CD72: variants seen among roughly 807,000 people sequenced by gnomAD.
CD72 encodes the protein B-cell differentiation antigen CD72.
A neutral mutation model predicts 50.7 loss-of-function variants in CD72; 28 were observed. The observed-to-expected ratio is 0.55, with a 90% CI of 0.41 to 0.76. The LOEUF (loss-of-function observed/expected upper bound fraction) is 0.76. Among genes scored for constraint, CD72 ranks in the 30% least tolerant of loss-of-function variants. The probability of loss-of-function intolerance (pLI) is 0.00; values close to 1 mark genes in which losing one functional copy is unlikely to be tolerated. For missense variants in CD72, 403 were observed against 420.6 expected, an observed-to-expected ratio of 0.96 and a Z score of 0.37; for synonymous variants, 176 against 171.2, an observed-to-expected ratio of 1.03 and a Z score of -0.22.
At position 35,616,160 on chromosome 9, in the gene CD72, C is replaced by G; in HGVS notation, c.471G>C (p.Leu157=). The G allele has an allele frequency of 6.2e-7, 1 of 1,614,198 alleles. No homozygotes were observed. The highest frequency in any genetic ancestry group is 8.5e-7 in the Non-Finnish European group (1 of 1,180,050). ...GCGCCAGCTCTCTCCTGGACCCCTG[C>G]AGATCCTCTGCACTCTGTCCCAGCT... ...ITQLGQSAED[L]QGSRRELAQS... is the part of the protein sequence containing the mutation. The change falls in exon 5 of 9, where the codon CTG becomes CTC. Residue 157 remains leucine, a synonymous_variant. Coordinates refer to ENST00000259633, the MANE Select transcript of CD72 (RefSeq NM_001782.3).
In CD72 at chr9:35,634,820, G is replaced by A. The variant is rs562103814; in HGVS notation, n.408+11583C>T. 1.5e-4 allele frequency among the ~76,000 whole-genome samples: 23 copies of A among 152,072 alleles called. 1 individual carries two copies. Among genetic ancestry groups the A allele is most frequent in the South Asian group, 6.2e-4 (3 of 4,824 alleles). On this transcript the variant is annotated intron_variant and non_coding_transcript_variant, in intron 1 of 3. Coordinates refer to the CD72 transcript ENST00000465754. ...AGTCCTTATTAGAATTTCCCTTATA[G>A]TGTGTTCCATCTGTTTCAAGAGTCC...
intron 1 of CD72, among the ~76,000 whole-genome samples, chr9:35,645,535 T>C (rs1238135785): frequency 6.6e-6 from 1 of 151,646 alleles, no homozygotes; most frequent in Non-Finnish European, 1.5e-5. Context: ...TGAGCCGAGG[T>C]TGCACCACTG....
chr9:35,641,630 TTTC>T (rs1467593095), intron 1 of CD72, among the ~76,000 whole-genome samples: 2 of 152,242 alleles, frequency 1.3e-5, no homozygotes, highest in Admixed American at 1.3e-4. Flanking sequence ...CCTCATTCTA[TTTC>T]TTCTTCTGAG....
Position 35,610,584 on chromosome 9 carries a change from C to T in CD72, c.*22+18G>A, listed in dbSNP as rs759569628. On this transcript the variant is annotated intron_variant, in intron 8 of 8. Transcript: ENST00000259633. ...GCCCCTGGACTCCCCATGCCTCAGC[C>T]CCATCCCTCACTCTTACCAACTCAG... 1.2e-6 allele frequency: 2 copies of T among 1,602,738 alleles called. No individual in the cohort carries two copies. Among genetic ancestry groups the T allele is most frequent in the Non-Finnish European group, 1.7e-6 (2 of 1,172,864 alleles).
Position 35,636,332 on chromosome 9 carries a change from G to A in CD72, n.408+10071C>T, listed in dbSNP as rs531273271. On this transcript the variant is annotated intron_variant and non_coding_transcript_variant, in intron 1 of 3. Transcript: ENST00000465754. ...TCTATTTGACTTTTTTTTTAACCAC[G>A]TGCACATTATTTCTATAATTAAACA... Among the ~76,000 whole-genome samples the A allele has an allele frequency of 4.6e-5, 7 of 152,002 alleles. No individual in the cohort carries two copies. In the East Asian group the frequency reaches 7.7e-4, roughly 17 times the overall value.
At chr9:35,641,225 G>T (rs1471745553) in intron 1 of CD72, among the ~76,000 whole-genome samples, 1 of 152,212 alleles carries the variant, frequency 6.6e-6, no homozygotes, top group African/African-American at 2.4e-5. Context: ...CGGAGCATGG[G>T]CTAGCAGGCT....
At chr9:35,631,495 T>C (rs1283383816) in intron 1 of CD72, among the ~76,000 whole-genome samples, 11 of 152,044 alleles carry the variant, frequency 7.2e-5, no homozygotes, top group African/African-American at 2.4e-4. Flanking sequence ...TTTTCCTCTT[T>C]TTCTTTTTTA....
chr9:35,634,523 T>G (rs997993414), intron 1 of CD72, among the ~76,000 whole-genome samples: 3 of 152,160 alleles, frequency 2.0e-5, no homozygotes, highest in African/African-American at 7.2e-5. Context: ...CAGCTAATTT[T>G]TGTATTTTTA....
chr9:35,616,536 T>C (rs1587902248), intron 4 of CD72, 64 bp downstream of exon 4: 13 of 1,295,730 alleles, frequency 1.0e-5, no homozygotes, highest in Non-Finnish European at 1.2e-5. Context: ...AAGATCAGCT[T>C]TGGGGCGAGA....
upstream of CD72, among the ~76,000 whole-genome samples, chr9:35,619,708 T>C (rs548288209): frequency 6.6e-6 from 1 of 152,302 alleles, no homozygotes; most frequent in East Asian, 1.9e-4. Context: ...GACTTTGCAG[T>C]CTGTTAGGGC....
chr9:35,627,461 A>AC (rs1036281921), intron 1 of CD72, among the ~76,000 whole-genome samples: 4 of 151,570 alleles, frequency 2.6e-5, no homozygotes, highest in African/African-American at 9.7e-5. Flanking sequence ...TGGGAAACAA[A>AC]AAAAAAATCC....
chr9:35,628,060 C>T (rs951152223), intron 1 of CD72, among the ~76,000 whole-genome samples: 4 of 152,076 alleles, frequency 2.6e-5, no homozygotes, highest in African/African-American at 9.7e-5. Flanking sequence ...GCCTTGAACA[C>T]CTGGCCTTAA....
At chr9:35,635,060 C>T (rs1418676732) in intron 1 of CD72, among the ~76,000 whole-genome samples, 1 of 152,120 alleles carries the variant, frequency 6.6e-6, no homozygotes, top group African/African-American at 2.4e-5. Context: ...CAGGCCTTTT[C>T]TTTCATTAGC....
upstream of CD72, among the ~76,000 whole-genome samples, chr9:35,623,955 C>T (rs1485465514): frequency 2.0e-5 from 3 of 151,322 alleles, 1 homozygote; most frequent in East Asian, 5.8e-4. Context: ...AAAGGCCAGG[C>T]CCAGTGGCTC....
At chr9:35,644,861 C>T (rs1823372885) in intron 1 of CD72, among the ~76,000 whole-genome samples, 1 of 146,120 alleles carries the variant, frequency 6.8e-6, no homozygotes. Flanking sequence ...AGTCAGAACT[C>T]GTGACTGCGA....
upstream of CD72, among the ~76,000 whole-genome samples, chr9:35,622,152 T>C (rs745767923): frequency 6.6e-6 from 1 of 152,186 alleles, no homozygotes; most frequent in Non-Finnish European, 1.5e-5. Context: ...CTGACCTCAA[T>C]CAAGAGTATG....
intron 5 of CD72, among the ~76,000 whole-genome samples, chr9:35,615,679 T>C (rs904854874): frequency 2.6e-5 from 4 of 151,274 alleles, no homozygotes; most frequent in Non-Finnish European, 4.4e-5. Context: ...GAAGAAACCT[T>C]GGACAGTGTG....
chr9:35,610,891 A>C, intron 7 of CD72, 138 bp from the exon 8 acceptor site: 1 of 578,490 alleles, frequency 1.7e-6, no homozygotes, highest in Non-Finnish European at 3.0e-6. Flanking sequence ...TTCAGGACAG[A>C]TGTCTGGAGT....
chr9:35,614,806 G>T (rs2131761112), intron 5 of CD72, among the ~76,000 whole-genome samples: 1 of 152,244 alleles, frequency 6.6e-6, no homozygotes. Flanking sequence ...TTCGATACCG[G>T]CCAGGGAAAC....
Sources: allele counts gnomAD v4.1 joint callset (sites outside exome capture counted in the v4.1 genomes callset), GRCh38; gene constraint gnomAD v4.1.1; transcripts MANE v1.5; gene names NCBI Gene and HGNC (gene_info 2026-07-23, HGNC 2026-07-21).